Variants in ACYP2 observed in about 807,000 individuals in gnomAD.
ACYP2 encodes the protein acylphosphatase-2.
A neutral mutation model predicts 11.2 loss-of-function variants in ACYP2; 12 were observed. That is an observed-to-expected ratio of 1.08 (90% CI 0.69 to 1.74). The LOEUF (loss-of-function observed/expected upper bound fraction) is 1.74. Ranked by LOEUF, ACYP2 falls within the 40% of genes most tolerant of loss-of-function variation. ACYP2 has a pLI of 0.00. For missense variants in ACYP2, 134 were observed against 101.9 expected (o/e 1.31, Z -1.35); for synonymous variants, 43 against 32.2 (o/e 1.33, Z -1.13).
At position 54,006,902 on chromosome 2, in the gene ACYP2, A is replaced by G. The variant is rs189969344; in HGVS notation, c.62+33092A>G. 9.2e-5 allele frequency among the ~76,000 whole-genome samples: 14 copies of G among 152,102 alleles called. No individual in the cohort carries two copies. In the East Asian group the frequency reaches 1.8e-3, roughly 19 times the overall value. Reference sequence around the variant, plus strand: ...CACTTTGGGAGACCGAGGCGGATGGATCACTTGAGATCAGGTGTTCAAGAC... The same window carrying G: ...CACTTTGGGAGACCGAGGCGGATGGGTCACTTGAGATCAGGTGTTCAAGAC... On this transcript the variant is annotated intron_variant, in intron 2 of 6. Transcript: ENST00000607452.
chr2:54,035,980 C>A (rs1028549362), intron 2 of ACYP2, among the ~76,000 whole-genome samples: 6 of 152,180 alleles, frequency 3.9e-5, no homozygotes, highest in African/African-American at 7.2e-5. Context: ...CTAAAGATAT[C>A]AGTCAAAAGA....
chr2:54,095,660 G>A (rs1269264645), intron 4 of ACYP2, among the ~76,000 whole-genome samples: 1 of 137,662 alleles, frequency 7.3e-6, no homozygotes, highest in South Asian at 2.4e-4. Context: ...CGCGCGGGGG[G>A]CTGACCCCCC....
At chr2:54,053,271 G>A (rs1675958761) in intron 3 of ACYP2, among the ~76,000 whole-genome samples, 1 of 152,154 alleles carries the variant, frequency 6.6e-6, no homozygotes, top group African/African-American at 2.4e-5. Flanking sequence ...GGCATGCTGG[G>A]GGCCCCATAG....
chr2:54,136,787 C>T (rs1421796820), intron 5 of ACYP2, among the ~76,000 whole-genome samples: 1 of 152,062 alleles, frequency 6.6e-6, no homozygotes, highest in Non-Finnish European at 1.5e-5. Context: ...ACCAGCCTGG[C>T]CATCATAGTG....
intron 4 of ACYP2, among the ~76,000 whole-genome samples, chr2:54,074,011 C>T (rs926077237): frequency 7.2e-5 from 11 of 152,142 alleles, no homozygotes; most frequent in African/African-American, 2.7e-4. Flanking sequence ...TGCCATATGA[C>T]TCAGCAATTC....
intron 2 of ACYP2, among the ~76,000 whole-genome samples, chr2:54,017,272 C>CTTTTCTTTT (rs764249106): frequency 8.1e-5 from 10 of 123,130 alleles, no homozygotes; most frequent in African/African-American, 1.0e-4. Context: ...CTTTTCTTTT[C>CTTTTCTTTT]TTTTTTTTTT....
chr2:54,100,329 G>C (rs1219444842), intron 4 of ACYP2, among the ~76,000 whole-genome samples: 2 of 135,326 alleles, frequency 1.5e-5, no homozygotes, highest in Middle Eastern at 4.2e-3. Flanking sequence ...TTGAGACAAA[G>C]TCTTGCTCTG....
intron 6 of ACYP2, among the ~76,000 whole-genome samples, chr2:54,148,260 A>G (rs1681987384): frequency 6.6e-6 from 1 of 152,118 alleles, no homozygotes; most frequent in South Asian, 2.1e-4. Flanking sequence ...CTGAAAAAAA[A>G]ATTCTCTTGG....
In ACYP2 at chr2:54,019,071, G is replaced by GT. The variant is rs34485538; in HGVS notation, c.63-31875dup. On this transcript the variant is annotated intron_variant, in intron 2 of 6. Coordinates refer to ENST00000607452, the MANE Select transcript of ACYP2 (RefSeq NM_001320586.2). Reference sequence around the variant, plus strand: ...ATTTTTTTATTATTATTATTATTATGTTTTTTTTTTTTGGCAACAAGGCCT... The same window carrying GT: ...ATTTTTTTATTATTATTATTATTATGTTTTTTTTTTTTTGGCAACAAGGCCT... Among the ~76,000 whole-genome samples the GT allele has an allele frequency of 5.8e-3, 824 of 141,702 alleles. 4 individuals carry two copies. The highest frequency in any genetic ancestry group is 0.016 in the African/African-American group (602 of 38,758). 93.0% of individuals were successfully genotyped at this position (141,702 alleles called of 152,430 possible). A position where few individuals can be genotyped will look rare whatever the true frequency, so the allele number is the denominator to read the frequency against.
intron 3 of ACYP2, chr2:54,051,436 A>G (rs190835898): frequency 9.8e-6 from 7 of 715,194 alleles, no homozygotes; most frequent in Admixed American, 2.0e-5. Context: ...GAAAATCTAT[A>G]TCCCTCCTAA....
chr2:54,259,714 C>T (rs200033371), intron 6 of ACYP2, among the ~76,000 whole-genome samples: 1 of 102,864 alleles, frequency 9.7e-6, no homozygotes, highest in South Asian at 2.6e-4. Flanking sequence ...TGAATATTGA[C>T]AATTCTTTTG....
intron 2 of ACYP2, among the ~76,000 whole-genome samples, chr2:53,976,345 C>G (rs1354994025): frequency 6.6e-6 from 1 of 152,154 alleles, no homozygotes; most frequent in East Asian, 1.9e-4. Context: ...GTAGCTGGGA[C>G]TACAGGTGCA....
intron 6 of ACYP2, among the ~76,000 whole-genome samples, chr2:54,223,310 T>G (rs1685876849): frequency 6.6e-6 from 1 of 152,216 alleles, no homozygotes; most frequent in Non-Finnish European, 1.5e-5. Flanking sequence ...TCTTTTCTTC[T>G]TAGATTAGAA....
chr2:54,272,244 G>A (rs1231283303), intron 6 of ACYP2, among the ~76,000 whole-genome samples: 3 of 152,172 alleles, frequency 2.0e-5, no homozygotes, highest in Non-Finnish European at 4.4e-5. Context: ...ATGGAACACT[G>A]AGGGGCCTAA....
At chr2:53,992,112 C>G (rs1356097052) in intron 2 of ACYP2, among the ~76,000 whole-genome samples, 1 of 148,996 alleles carries the variant, frequency 6.7e-6, no homozygotes, top group Non-Finnish European at 1.5e-5. Flanking sequence ...CCCTCCCTCC[C>G]TCTCTCCCTT....
intron 6 of ACYP2, among the ~76,000 whole-genome samples, chr2:54,219,416 T>C (rs1261688159): frequency 6.6e-6 from 1 of 152,110 alleles, no homozygotes; most frequent in Non-Finnish European, 1.5e-5. Context: ...ATGGAGGTCT[T>C]TGAATGCCAC....
At chr2:53,997,649 T>C (rs570209315) in intron 2 of ACYP2, among the ~76,000 whole-genome samples, 2 of 152,266 alleles carry the variant, frequency 1.3e-5, no homozygotes, top group African/African-American at 4.8e-5. Flanking sequence ...TGAGGACATA[T>C]CTCTTTTTCA....
intron 6 of ACYP2, among the ~76,000 whole-genome samples, chr2:54,143,764 G>GC (rs1313270722): frequency 2.4e-5 from 3 of 127,146 alleles, no homozygotes; most frequent in African/African-American, 9.0e-5. Context: ...TTTTGGGGGG[G>GC]GGGTATTCTA....
At chr2:54,141,999 G>GTA in intron 6 of ACYP2, 1 of 462,266 alleles carries the variant, frequency 2.2e-6, no homozygotes, top group South Asian at 5.1e-5. Context: ...GTGTGTGTGT[G>GTA]TGTGTGTGTG....
Sources: allele counts gnomAD v4.1 joint callset (sites outside exome capture counted in the v4.1 genomes callset), GRCh38; gene constraint gnomAD v4.1.1; transcripts MANE v1.5; gene names NCBI Gene and HGNC (gene_info 2026-07-23, HGNC 2026-07-21).